IREB2: variants seen among roughly 807,000 people sequenced by gnomAD.
IREB2 encodes the protein iron-responsive element-binding protein 2.
Under a neutral mutation model 118.8 loss-of-function variants are expected in IREB2, and 39 were observed. That is an observed-to-expected ratio of 0.33 (90% CI 0.25 to 0.43). The LOEUF (loss-of-function observed/expected upper bound fraction) is 0.43, where lower values mean the gene tolerates loss of function less well. Ranked by LOEUF, IREB2 falls within the 20% of genes least tolerant of loss-of-function variation. IREB2 has a pLI of 1.00. For missense variants in IREB2, 900 were observed against 1,147.3 expected (o/e 0.78, Z 3.11); for synonymous variants, 372 against 392.2 (o/e 0.95, Z 0.61).
chr15:78,469,993 A>G (rs1178909675), intron 5 of IREB2, among the ~76,000 whole-genome samples: 1 of 152,248 alleles, frequency 6.6e-6, no homozygotes, highest in Non-Finnish European at 1.5e-5. Flanking sequence ...AACTATATTT[A>G]TAATCCATGT....
chr15:78,465,105 C>CT (rs1419968310), intron 3 of IREB2, 146 bp from the exon 4 acceptor site: 1 of 636,072 alleles, frequency 1.6e-6, no homozygotes, highest in African/African-American at 1.8e-5. Flanking sequence ...AAACAGGATA[C>CT]TCCTAACTTA....
Position 78,487,723 on chromosome 15 carries a change from T to G in IREB2, c.1710-10T>G, listed in dbSNP as rs770870760. On this transcript the variant is annotated splice_polypyrimidine_tract_variant and intron_variant, in intron 13 of 21. Coordinates refer to ENST00000258886, the MANE Select transcript of IREB2 (RefSeq NM_004136.4). ...ATGTGCTATTCAGTCACTTTTTTTT[T>G]GAAATGCAGATTTGAAATCGTTGGC... 2 of 1,530,410 alleles carry G rather than the reference T, an allele frequency of 1.3e-6. No individual in the cohort carries two copies. The highest frequency in any genetic ancestry group is 1.4e-5 in the African/African-American group (1 of 73,322). The allele number at this position is 1,530,410 out of a possible 1,614,324, so 94.8% of individuals were successfully genotyped here.
At chr15:78,450,042 G>A (rs1433123126) in intron 2 of IREB2, among the ~76,000 whole-genome samples, 1 of 151,952 alleles carries the variant, frequency 6.6e-6, no homozygotes, top group Non-Finnish European at 1.5e-5. Context: ...ACGTAATCCA[G>A]TGCATTTTTT....
intron 9 of IREB2, among the ~76,000 whole-genome samples, chr15:78,478,034 C>CA (rs1455822321): frequency 2.0e-3 from 294 of 145,714 alleles, no homozygotes; most frequent in Middle Eastern, 0.011. Context: ...CCAACCTATT[C>CA]AAAAAAAACA....
chr15:78,493,602 AT>A (rs5813921), intron 18 of IREB2, among the ~76,000 whole-genome samples: 23,034 of 149,062 alleles, frequency 0.15, 1,759 homozygotes, highest in South Asian at 0.16. Flanking sequence ...AATTATTGTG[AT>A]TTTTTTTTTT....
chr15:78,451,463 A>G (rs1391279125), intron 2 of IREB2, among the ~76,000 whole-genome samples: 1 of 152,132 alleles, frequency 6.6e-6, no homozygotes, highest in African/African-American at 2.4e-5. Context: ...AATATATTTC[A>G]TTTTTGTCAC....
intron 2 of IREB2, among the ~76,000 whole-genome samples, chr15:78,462,040 CT>C (rs2051205983): frequency 6.6e-6 from 1 of 151,966 alleles, no homozygotes; most frequent in African/African-American, 2.4e-5. Context: ...AATTATATTT[CT>C]CATAATACAC....
chr15:78,457,321 G>A (rs1397580994), intron 2 of IREB2, among the ~76,000 whole-genome samples: 1 of 151,962 alleles, frequency 6.6e-6, no homozygotes, highest in East Asian at 1.9e-4. Flanking sequence ...AGCCGTTGTT[G>A]TAGAAGAGTC....
chr15:78,455,058 C>T (rs112028810), intron 2 of IREB2, among the ~76,000 whole-genome samples: 20 of 151,846 alleles, frequency 1.3e-4, no homozygotes, highest in African/African-American at 4.1e-4. Flanking sequence ...GGACCAGCTG[C>T]GGGGACGGGG....
intron 2 of IREB2, 96 bp from the exon 3 acceptor site, chr15:78,462,826 C>A (rs1044725821): frequency 8.1e-6 from 7 of 859,272 alleles, no homozygotes; most frequent in Non-Finnish European, 3.5e-6. Context: ...GAAAACAGTG[C>A]ATTTTTGTCT....
At chr15:78,462,357 G>A (rs1368878608) in intron 2 of IREB2, among the ~76,000 whole-genome samples, 1 of 152,154 alleles carries the variant, frequency 6.6e-6, no homozygotes, top group Non-Finnish European at 1.5e-5. Flanking sequence ...TAATATGATT[G>A]AAAATTTTAA....
intron 2 of IREB2, among the ~76,000 whole-genome samples, chr15:78,451,644 G>A (rs113523633): frequency 2.6e-5 from 4 of 152,094 alleles, no homozygotes; most frequent in African/African-American, 9.7e-5. Context: ...AACTTTTTGA[G>A]CACTGACGCT....
intron 5 of IREB2, among the ~76,000 whole-genome samples, chr15:78,469,232 T>C (rs1228714189): frequency 6.6e-6 from 1 of 152,154 alleles, no homozygotes; most frequent in Non-Finnish European, 1.5e-5. Context: ...AATTACCCCC[T>C]AGTTTGAAGT....
At chr15:78,450,219 C>T (rs1249900255) in intron 2 of IREB2, among the ~76,000 whole-genome samples, 1 of 152,152 alleles carries the variant, frequency 6.6e-6, no homozygotes, top group Non-Finnish European at 1.5e-5. Context: ...ATGTGAAGTA[C>T]AGTACTATGT....
At chr15:78,494,313 G>A in intron 20 of IREB2, 49 bp downstream of exon 20, 1 of 1,567,510 alleles carries the variant, frequency 6.4e-7, no homozygotes, top group African/African-American at 1.4e-5. Context: ...AGTTTTAACT[G>A]TTCCCTTTTG....
At chr15:78,473,133 G>A in intron 7 of IREB2, 109 bp from the exon 8 acceptor site, 2 of 1,048,712 alleles carry the variant, frequency 1.9e-6, no homozygotes, top group Non-Finnish European at 2.8e-6. Context: ...TAGCAACTCT[G>A]CAAAGTACTG....
chr15:78,477,247 A>AAC (rs2051487333), intron 9 of IREB2, among the ~76,000 whole-genome samples: 2 of 152,202 alleles, frequency 1.3e-5, no homozygotes, highest in Admixed American at 1.3e-4. Flanking sequence ...AAATTATCCT[A>AAC]AAATTTAGTG....
Position 78,499,956 on chromosome 15 carries a change from G to T in IREB2, c.*1813G>T, listed in dbSNP as rs2051911599. ...CAACCTCCGCCTCCCGGGTTCAGGG[G>T]ATTCTCCTGCCTCAGCCTCCTGAGT... On this transcript the variant is annotated 3_prime_UTR_variant, in exon 22 of 22. Coordinates refer to ENST00000258886, the MANE Select transcript of IREB2 (RefSeq NM_004136.4). 1.3e-5 allele frequency: 2 copies of T among 152,604 alleles called. No individual in the cohort carries two copies. Among genetic ancestry groups the T allele is most frequent in the Non-Finnish European group, 2.9e-5 (2 of 68,380 alleles). The allele number at this position is 152,604 out of a possible 1,614,324, so 9.5% of individuals were successfully genotyped here.
intron 16 of IREB2, among the ~76,000 whole-genome samples, 174 bp from the exon 17 acceptor site, chr15:78,490,248 T>A (rs1448685086): frequency 6.6e-6 from 1 of 152,150 alleles, no homozygotes; most frequent in Non-Finnish European, 1.5e-5. Flanking sequence ...TTAAAATTTT[T>A]TAAAAAAAAG....
Sources: allele counts gnomAD v4.1 joint callset (sites outside exome capture counted in the v4.1 genomes callset), GRCh38; gene constraint gnomAD v4.1.1; transcripts MANE v1.5; gene names NCBI Gene and HGNC (gene_info 2026-07-23, HGNC 2026-07-21).